Variants in TRAK1 observed in about 807,000 individuals in gnomAD.
The protein encoded by TRAK1 is trafficking kinesin protein 1.
Under a neutral mutation model 92.1 loss-of-function variants are expected in TRAK1, and 33 were observed. The ratio of observed to expected loss-of-function variants is 0.36; its 90% CI spans 0.27 to 0.48. The LOEUF is 0.48. TRAK1 is among the 20% of genes least tolerant of loss of function. The pLI, the probability that TRAK1 is intolerant of heterozygous loss-of-function variation, is 0.99. For missense variants in TRAK1, 1,123 were observed against 1,257.9 expected (o/e 0.89, Z 1.62); for synonymous variants, 521 against 517.3 (o/e 1.01, Z -0.10).
chr3:42,137,037 A>G (rs1429042537), intron 2 of TRAK1, among the ~76,000 whole-genome samples: 2 of 152,252 alleles, frequency 1.3e-5, no homozygotes, highest in Non-Finnish European at 2.9e-5. Flanking sequence ...AATAAAAACA[A>G]AAAGATGACT....
chr3:42,180,871 T>C (rs1360689166), intron 3 of TRAK1, among the ~76,000 whole-genome samples: 1 of 152,206 alleles, frequency 6.6e-6, no homozygotes, highest in East Asian at 1.9e-4. Flanking sequence ...GATCTTATTC[T>C]AAGTATATTT....
chr3:42,193,824 T>G lies in TRAK1; in HGVS notation c.901T>G (p.Cys301Gly). ...GTGATCTATCTTTGCCATGCTTTAG[T>G]GCGCAGTGGAAAATGAAGAACTTGT... ...IVDLQKKAKA[C>G]AVENEELVQH... Residue 301 changes from cysteine (C) to glycine (G), a missense_variant and splice_region_variant, in exon 9 of 16, where the codon TGC becomes GGC. Transcript: ENST00000327628. The G allele has an allele frequency of 6.2e-7, 1 of 1,614,174 alleles. No homozygotes were observed. The highest frequency in any genetic ancestry group is 8.5e-7 in the Non-Finnish European group (1 of 1,180,016).
chr3:42,169,781 G>C (rs1322455646), intron 2 of TRAK1, among the ~76,000 whole-genome samples: 2 of 152,174 alleles, frequency 1.3e-5, no homozygotes, highest in Non-Finnish European at 2.9e-5. Context: ...GCCATTTGAA[G>C]ATGTTCCCCT....
chr3:42,204,932 C>A (rs955743940), intron 13 of TRAK1, among the ~76,000 whole-genome samples: 3 of 152,146 alleles, frequency 2.0e-5, no homozygotes, highest in African/African-American at 7.2e-5. Flanking sequence ...CTCCCCTCCA[C>A]AGTTATTTTT....
chr3:42,149,385 A>C, intron 2 of TRAK1: 1 of 1,447,850 alleles, frequency 6.9e-7, no homozygotes, highest in Non-Finnish European at 9.1e-7. Flanking sequence ...TTTTGGCTCC[A>C]GACTGTCGTT....
At chr3:42,125,687 A>T (rs1233148561) in intron 2 of TRAK1, 73 bp downstream of exon 2, 1 of 1,522,816 alleles carries the variant, frequency 6.6e-7, no homozygotes. Flanking sequence ...CCCAAATAAG[A>T]TCTTGTACTG....
intron 1 of TRAK1, 63 bp from the exon 2 acceptor site, chr3:42,125,357 G>A: frequency 6.7e-7 from 1 of 1,498,214 alleles, no homozygotes; most frequent in Non-Finnish European, 9.1e-7. Context: ...TACAAGTTTA[G>A]TTAACTAGCA....
At chr3:42,084,195 A>C (rs1190713495), upstream of TRAK1, among the ~76,000 whole-genome samples, 1 of 151,948 alleles carries the variant, frequency 6.6e-6, no homozygotes, top group African/African-American at 2.4e-5. Flanking sequence ...AACTCTCATC[A>C]GTGTGCCTTT....
At chr3:42,110,743 G>A (rs1708277688) in intron 1 of TRAK1, among the ~76,000 whole-genome samples, 2 of 152,152 alleles carry the variant, frequency 1.3e-5, no homozygotes, top group South Asian at 4.1e-4. Context: ...CCAGGAGAAA[G>A]GCATCATTTT....
intron 1 of TRAK1, among the ~76,000 whole-genome samples, chr3:42,079,470 CCTT>C (rs906545768): frequency 6.1e-5 from 6 of 97,644 alleles, no homozygotes; most frequent in Admixed American, 1.2e-4. Flanking sequence ...GAAGGAAGCT[CCTT>C]CTTCTTTTTT....
intron 1 of TRAK1, among the ~76,000 whole-genome samples, chr3:42,040,981 C>G (rs1162159155): frequency 2.0e-5 from 3 of 152,024 alleles, no homozygotes; most frequent in Non-Finnish European, 4.4e-5. Context: ...CCCAGCCACA[C>G]TGTGTTGGTT....
At chr3:42,113,145 C>T (rs1432719071) in intron 1 of TRAK1, among the ~76,000 whole-genome samples, 1 of 152,178 alleles carries the variant, frequency 6.6e-6, no homozygotes, top group Admixed American at 6.5e-5. Flanking sequence ...CTTTGGGAGG[C>T]TGAGGTGGGC....
chr3:42,048,155 T>C (rs1399408955), intron 1 of TRAK1, among the ~76,000 whole-genome samples: 1 of 152,176 alleles, frequency 6.6e-6, no homozygotes, highest in East Asian at 1.9e-4. Flanking sequence ...GATATGTATG[T>C]TGTCTTTTTC....
At chr3:42,036,992 A>C (rs1292572290) in intron 1 of TRAK1, among the ~76,000 whole-genome samples, 1 of 151,724 alleles carries the variant, frequency 6.6e-6, no homozygotes, top group Non-Finnish European at 1.5e-5. Flanking sequence ...GAATCATCAT[A>C]ATTTCTTATT....
chr3:42,116,264 A>G (rs1301164215), intron 1 of TRAK1, among the ~76,000 whole-genome samples: 1 of 152,242 alleles, frequency 6.6e-6, no homozygotes, highest in African/African-American at 2.4e-5. Flanking sequence ...CAGCTTGAAC[A>G]CAGTGTCCTT....
chr3:42,023,759 T>G lies in TRAK1; in HGVS notation c.-519+9642T>G, dbSNP rs967846803. On this transcript the variant is annotated intron_variant, in intron 1 of 16. Coordinates refer to the TRAK1 transcript ENST00000487159. Reference sequence around the variant, plus strand: ...GCTCGTGAGGGTTTTTTTTTTTTTTTTTTTTTTTTTTTGAGACGGAATCTC... The same window carrying G: ...GCTCGTGAGGGTTTTTTTTTTTTTTGTTTTTTTTTTTTGAGACGGAATCTC... Among the ~76,000 whole-genome samples the G allele has an allele frequency of 1.5e-4, 21 of 139,318 alleles. No homozygotes were observed. The South Asian group carries it at 4.0e-3, about 26-fold the overall frequency. The allele number at this position is 139,318 out of a possible 152,430, so 91.4% of individuals were successfully genotyped here.
upstream of TRAK1, among the ~76,000 whole-genome samples, chr3:42,084,323 G>A (rs538659120): frequency 1.6e-3 from 242 of 152,198 alleles, 3 homozygotes; most frequent in African/African-American, 5.4e-3. Flanking sequence ...ATGAGAGCTG[G>A]GCTTGGTGGT....
At chr3:42,058,224 A>C (rs1167501582) in intron 1 of TRAK1, among the ~76,000 whole-genome samples, 1 of 152,220 alleles carries the variant, frequency 6.6e-6, no homozygotes, top group African/African-American at 2.4e-5. Flanking sequence ...GTGGAGATTG[A>C]CGAAGACAAG....
chr3:42,050,064 A>G lies in TRAK1; in HGVS notation c.-519+35947A>G, dbSNP rs902975339. On this transcript the variant is annotated intron_variant, in intron 1 of 16. Transcript: ENST00000487159. ...AGACACTTGGCCTTTTTCACCGGGG[A>G]CTGTTTGGGTATTGGTAGTTTTTTC... Among the ~76,000 whole-genome samples the G allele has an allele frequency of 8.6e-5, 13 of 151,010 alleles. No individual in the cohort carries two copies. In the South Asian group the frequency reaches 1.5e-3, roughly 17 times the overall value.
Sources: allele counts gnomAD v4.1 joint callset (sites outside exome capture counted in the v4.1 genomes callset), GRCh38; gene constraint gnomAD v4.1.1; transcripts MANE v1.5; gene names NCBI Gene and HGNC (gene_info 2026-07-23, HGNC 2026-07-21).